The following IRX6 variants were observed in gnomAD, a reference collection of about 807,000 sequenced individuals.
The protein encoded by IRX6 is iroquois homeobox 6, also known as iroquois-class homeodomain protein IRX-6.
In IRX6, 46 loss-of-function variants were observed where a neutral mutation model predicts 47.7. The ratio of observed to expected loss-of-function variants is 0.96; its 90% CI spans 0.76 to 1.23. IRX6 has a LOEUF of 1.23. IRX6 is among the 50% of genes most tolerant of loss of function. The pLI is 0.00. For missense variants in IRX6, 722 were observed against 588.0 expected, an observed-to-expected ratio of 1.23 and a Z score of -2.36; for synonymous variants, 265 against 246.2, an observed-to-expected ratio of 1.08 and a Z score of -0.72.
At position 55,327,642 on chromosome 16, in the gene IRX6, C is replaced by T. The variant is rs776497162; in HGVS notation, c.470C>T (p.Thr157Ile). 1.2e-6 allele frequency: 2 copies of T among 1,612,178 alleles called. No homozygotes were observed. Among genetic ancestry groups the T allele is most frequent in the East Asian group, 2.2e-5 (1 of 44,868 alleles). Residue 157 changes from threonine (T) to isoleucine (I), a missense_variant, in exon 4 of 6, where the codon ACC becomes ATC. Coordinates refer to ENST00000290552, the MANE Select transcript of IRX6 (RefSeq NM_024335.3). ...CGCCGAAAGAACGCGACCCGGGAGACCACCAGTACACTCAAGGCCTGGCTC... is the reference window on the plus strand; with the variant it reads ...CGCCGAAAGAACGCGACCCGGGAGATCACCAGTACACTCAAGGCCTGGCTC... ...AGRRKNATRE[T>I]TSTLKAWLNE...
At chr16:55,326,953 A>C in intron 2 of IRX6, 1 of 39,890 alleles carries the variant, frequency 2.5e-5, no homozygotes, top group Non-Finnish European at 4.3e-5. Flanking sequence ...GTTGTGGGGC[A>C]GGGGGCGGGG....
Position 55,330,295 on chromosome 16 carries a change from CAGCAG to C in IRX6, c.1334-2_1336del, listed in dbSNP as rs1304673750. On this transcript the variant is annotated splice_acceptor_variant and coding_sequence_variant, in exon 6 of 6. Transcript: ENST00000290552. LOFTEE classifies it high-confidence loss of function. ...GGGTTTTAATCAACCTTTCCTCTCTCAGCAGGTTAGCGCAATGGCTGCGATTTGCG... is the reference window on the plus strand; with the variant it reads ...GGGTTTTAATCAACCTTTCCTCTCTCGTTAGCGCAATGGCTGCGATTTGCG... The C allele has an allele frequency of 6.2e-7, 1 of 1,613,822 alleles. No homozygotes were observed.
intron 1 of IRX6, 74 bp from the exon 2 acceptor site, chr16:55,326,262 C>T (rs2142267171): frequency 7.7e-7 from 1 of 1,290,372 alleles, no homozygotes; most frequent in Non-Finnish European, 1.1e-6. Context: ...GTTTCTAGCT[C>T]CCTTCAGCGG....
In IRX6 at chr16:55,327,577, C is replaced by G. The variant is rs202231284; in HGVS notation, c.414-9C>G. 50 of 1,588,148 alleles carry G rather than the reference C, an allele frequency of 3.1e-5. No homozygotes were observed. Among genetic ancestry groups the G allele is most frequent in the Non-Finnish European group, 4.3e-5 (50 of 1,167,160 alleles). On this transcript the variant is annotated splice_polypyrimidine_tract_variant and intron_variant, in intron 3 of 5. Transcript: ENST00000290552. The stretch of plus-strand genomic sequence containing the variant: ...TCTTCTATAATGTGAGCCAGGTTCT[C>G]CCCCACAGGTATGGCGCAGTGGAAT...
At chr16:55,326,947 TGGGGCAG>T (rs1488092983) in intron 2 of IRX6, 30 of 50,008 alleles carry the variant, frequency 6.0e-4, no homozygotes, top group African/African-American at 5.8e-3. Flanking sequence ...GTGTGTGTTG[TGGGGCAG>T]GGGGCGGGGG....
chr16:55,329,460 G>A (rs549195535), intron 5 of IRX6, 149 bp downstream of exon 5: 519 of 1,029,878 alleles, frequency 5.0e-4, no homozygotes, highest in Non-Finnish European at 6.1e-4. Flanking sequence ...TCTTTCAGAC[G>A]GAAGCGTAGA....
chr16:55,330,378 G>A lies in IRX6; in HGVS notation c.*73G>A. 1 of 1,478,450 alleles carries A rather than the reference G, an allele frequency of 6.8e-7. No homozygotes were observed. The highest frequency in any genetic ancestry group is 9.5e-7 in the Non-Finnish European group (1 of 1,056,116). The allele number at this position is 1,478,450 out of a possible 1,614,324, so 91.6% of individuals were successfully genotyped here. A position where few individuals can be genotyped will look rare whatever the true frequency, so the allele number is the denominator to read the frequency against. ...TTCGAATTCATCTCCAGGTTAAGAA[G>A]CTGCCAGACCTTGCCAGGGACCAGG... On this transcript the variant is annotated 3_prime_UTR_variant, in exon 6 of 6. Coordinates refer to ENST00000290552, the MANE Select transcript of IRX6 (RefSeq NM_024335.3).
rs761426720 is a variant in IRX6 at position 55,327,904 on chromosome 16, C to T, written c.721+11C>T. The T allele has an allele frequency of 1.2e-5, 19 of 1,579,266 alleles. No individual in the cohort carries two copies. Among genetic ancestry groups the T allele is most frequent in the Non-Finnish European group, 1.5e-5 (18 of 1,163,182 alleles). ...CTGCTGACACCAAAGGTACTGAAAACGTTCACCACCCCACCTTAAGGGTTT... is the reference window on the plus strand; with the variant it reads ...CTGCTGACACCAAAGGTACTGAAAATGTTCACCACCCCACCTTAAGGGTTT... On this transcript the variant is annotated intron_variant, in intron 4 of 5. Transcript: ENST00000290552.
At position 55,327,339 on chromosome 16, in the gene IRX6, C is replaced by T. The variant is rs1424011505; in HGVS notation, c.347C>T (p.Ser116Phe). The T allele has an allele frequency of 1.9e-6, 3 of 1,613,870 alleles. No homozygotes were observed. The African/African-American group carries it at 4.0e-5, about 22-fold the overall frequency. Residue 116 changes from serine to phenylalanine, a missense_variant, in exon 3 of 6, where the codon TCC becomes TTC. By Grantham distance (155) the Ser-to-Phe change is radical. Transcript: ENST00000290552. ...AAGGAGGCTGCAGGGAGTTTTACATCCAGCCTGGCACAACCAGGAGCCTAT... is the reference window on the plus strand; with the variant it reads ...AAGGAGGCTGCAGGGAGTTTTACATTCAGCCTGGCACAACCAGGAGCCTAT... ...EFKEAAGSFT[S>F]SLAQPGAYYP... is the part of the protein sequence containing the mutation.
Position 55,328,864 on chromosome 16 carries a change from T to C in IRX6, c.886T>C (p.Cys296Arg). 1 of 1,612,930 alleles carries C rather than the reference T, an allele frequency of 6.2e-7. No individual in the cohort carries two copies. Among genetic ancestry groups the C allele is most frequent in the Non-Finnish European group, 8.5e-7 (1 of 1,179,956 alleles). The change falls in exon 5 of 6, where the codon TGC becomes CGC. Residue 296 changes from cysteine (C) to arginine (R), a missense_variant. By Grantham distance (180) the Cys-to-Arg change is radical. Transcript: ENST00000290552. Reference protein sequence around the residue: ...RKGAQSLPGPCAAAREGRLER... With the variant: ...RKGAQSLPGPRAAAREGRLER... ...GGGCGCGCAGTCACTGCCTGGGCCG[T>C]GCGCTGCAGCTCGAGAGGGCCGATT...
rs1379228156 is a variant in IRX6 at position 55,326,487 on chromosome 16, C to T, written c.197C>T (p.Ala66Val). The change falls in exon 2 of 6, where the codon GCC becomes GTC. Residue 66 changes from alanine to valine, a missense_variant. Coordinates refer to ENST00000290552, the MANE Select transcript of IRX6 (RefSeq NM_024335.3). ...GGCAGTGCGCGACCGGAGCTGGGCG[C>T]CGCCTTGGGCATCTATGGAGCACCC... ...LLGSARPELG[A>V]ALGIYGAPYA... The T allele has an allele frequency of 3.1e-6, 5 of 1,612,748 alleles. No homozygotes were observed. Among genetic ancestry groups the T allele is most frequent in the Middle Eastern group, 3.3e-4 (2 of 6,074 alleles).
rs886708396 is a variant in IRX6, at chr16:55,324,326, C to T, written c.-766C>T. ...CCTCCTTCTCCCTCTTGCCTTTCTC[C>T]CCCACTTTTCTCCTGTCTCTTCTTT... On this transcript the variant is annotated 5_prime_UTR_variant, in exon 1 of 6. Transcript: ENST00000290552. The surrounding 1 kb of genome is among the most constrained non-coding windows in gnomAD (Gnocchi z 4.4). The T allele has an allele frequency of 6.6e-6, 1 of 151,690 alleles. No individual in the cohort carries two copies. Among genetic ancestry groups the T allele is most frequent in the African/African-American group, 2.4e-5 (1 of 41,196 alleles). The allele number at this position is 151,690 out of a possible 1,614,324, so 9.4% of individuals were successfully genotyped here. A position where few individuals can be genotyped will look rare whatever the true frequency, so the allele number is the denominator to read the frequency against.
Position 55,330,436 on chromosome 16 carries a change from GA to G in IRX6, c.*134del. On this transcript the variant is annotated 3_prime_UTR_variant, in exon 6 of 6. Coordinates refer to ENST00000290552, the MANE Select transcript of IRX6 (RefSeq NM_024335.3). ...ACTTTGCCTAAGAGACAGACACACA[GA>G]AACCCTCCTAGCAGCTGTCCTTGCA... 1 of 902,566 alleles carries G rather than the reference GA, an allele frequency of 1.1e-6. No individual in the cohort carries two copies. Among genetic ancestry groups the G allele is most frequent in the Non-Finnish European group, 1.8e-6 (1 of 540,922 alleles). 55.9% of individuals were successfully genotyped at this position (902,566 alleles called of 1,614,324 possible).
chr16:55,326,916 A>C, intron 2 of IRX6: 1 of 188,308 alleles, frequency 5.3e-6, no homozygotes. Context: ...AAGAAGATTA[A>C]AGCAGGAAGT....
chr16:55,326,200 T>TAATGAAGGAATG, intron 1 of IRX6, 136 bp from the exon 2 acceptor site: 2 of 790,926 alleles, frequency 2.5e-6, no homozygotes, highest in Non-Finnish European at 3.9e-6. Context: ...AGTTAATGCA[T>TAATGAAGGAATG]AATGAAGGAA....
At position 55,324,633 on chromosome 16, in the gene IRX6, C is replaced by T. The variant is rs1960476089; in HGVS notation, c.-459C>T. ...AAGTGTGAGTGTGGGTGAGAGTGCGCGCGCGCGCACGGGCTGGCTGCGCTT... is the reference window on the plus strand; with the variant it reads ...AAGTGTGAGTGTGGGTGAGAGTGCGTGCGCGCGCACGGGCTGGCTGCGCTT... On this transcript the variant is annotated 5_prime_UTR_variant, in exon 1 of 6. Transcript: ENST00000290552. The surrounding 1 kb of genome is among the most constrained non-coding windows in gnomAD (Gnocchi z 4.4). The T allele has an allele frequency of 5.1e-6, 1 of 195,330 alleles. No individual in the cohort carries two copies. The highest frequency in any genetic ancestry group is 1.0e-5 in the Non-Finnish European group (1 of 95,392). 12.1% of individuals were successfully genotyped at this position (195,330 alleles called of 1,614,324 possible). A position where few individuals can be genotyped will look rare whatever the true frequency, so the allele number is the denominator to read the frequency against.
chr16:55,326,270 C>A, intron 1 of IRX6, 66 bp from the exon 2 acceptor site: 1 of 1,204,680 alleles, frequency 8.3e-7, no homozygotes, highest in Non-Finnish European at 1.1e-6. Flanking sequence ...CTCCCTTCAG[C>A]GGGAGCGGGG....
rs761899198 is a variant in IRX6 at position 55,328,715 on chromosome 16, AG to A, written c.739del (p.Glu247ArgfsTer7). ...TTTCCTGCAGAAGTTACTGCTAGCC[AG>A]GAGGCCCGGGGGCTCCGGCTGAGTG... is the stretch of plus-strand genomic sequence containing the variant. ...TADTKEVTAS[Q>X]EARGLRLSDL... is the part of the protein sequence containing the mutation. On this transcript the variant is annotated frameshift_variant, in exon 5 of 6. Coordinates refer to ENST00000290552, the MANE Select transcript of IRX6 (RefSeq NM_024335.3). LOFTEE classifies it high-confidence loss of function. 2.2e-5 allele frequency: 35 copies of A among 1,613,008 alleles called. No individual in the cohort carries two copies. Among genetic ancestry groups the A allele is most frequent in the African/African-American group, 1.3e-4 (10 of 74,916 alleles).
Position 55,327,274 on chromosome 16 carries a change from TTC to T in IRX6, c.304-18_304-17del. On this transcript the variant is annotated intron_variant, in intron 2 of 5. Coordinates refer to ENST00000290552, the MANE Select transcript of IRX6 (RefSeq NM_024335.3). ...CCCCCTCCCCAACTGTACTCCTGAATTCTCTTTTCCTCTCCCTCTAGAATCCA... is the reference window on the plus strand; with the variant it reads ...CCCCCTCCCCAACTGTACTCCTGAATTCTTTTCCTCTCCCTCTAGAATCCA... 1 of 1,575,992 alleles carries T rather than the reference TTC, an allele frequency of 6.3e-7. No homozygotes were observed. Among genetic ancestry groups the T allele is most frequent in the Non-Finnish European group, 8.7e-7 (1 of 1,145,468 alleles).
Sources: allele counts gnomAD v4.1 joint callset, GRCh38; gene constraint gnomAD v4.1.1; non-coding constraint Gnocchi (gnomAD v3.1); transcripts MANE v1.5; gene names NCBI Gene and HGNC (gene_info 2026-07-23, HGNC 2026-07-21).